Variants in LRP1B observed in about 807,000 individuals in gnomAD.
The protein encoded by LRP1B is LDL receptor related protein 1B, also known as low-density lipoprotein receptor-related protein 1B.
LRP1B carries 217 observed loss-of-function variants against 556.6 expected under a neutral mutation model. The ratio of observed to expected loss-of-function variants is 0.39; its 90% CI spans 0.35 to 0.44. LRP1B has a LOEUF of 0.44. Ranked by LOEUF, LRP1B falls within the 20% of genes least tolerant of loss-of-function variation. The pLI is 1.00. For synonymous variants in LRP1B, 2,047 were observed against 1,865.8 expected, an observed-to-expected ratio of 1.10 and a Z score of -2.50; for missense variants, 5,053 against 5,620.8, an observed-to-expected ratio of 0.90 and a Z score of 3.23.
chr2:141,388,331 G>A (rs959450113), intron 3 of LRP1B, among the ~76,000 whole-genome samples: 3 of 152,128 alleles, frequency 2.0e-5, no homozygotes, highest in African/African-American at 7.2e-5. Context: ...AGCTACTTGG[G>A]AGGCTGAGGC....
intron 1 of LRP1B, among the ~76,000 whole-genome samples, chr2:142,069,418 C>T (rs1705229985): frequency 6.6e-6 from 1 of 151,480 alleles, no homozygotes. Context: ...CTGCCTTATA[C>T]AGGAAGACCT....
chr2:140,455,121 C>G (rs1687044111), intron 62 of LRP1B, among the ~76,000 whole-genome samples: 1 of 152,142 alleles, frequency 6.6e-6, no homozygotes, highest in East Asian at 1.9e-4. Flanking sequence ...CGTGATTTCT[C>G]TCTTTAATTT....
At chr2:141,072,660 C>G (rs918677269) in intron 7 of LRP1B, among the ~76,000 whole-genome samples, 4 of 152,000 alleles carry the variant, frequency 2.6e-5, no homozygotes, top group Non-Finnish European at 5.9e-5. Context: ...CATTGACTCT[C>G]TCAACTTTCT....
intron 62 of LRP1B, among the ~76,000 whole-genome samples, chr2:140,451,730 T>G (rs1686894010): frequency 1.3e-5 from 2 of 152,190 alleles, no homozygotes; most frequent in South Asian, 4.1e-4. Flanking sequence ...AAAGAAAAAT[T>G]CTGATCATTT....
At chr2:141,909,914 C>A (rs992634773) in intron 1 of LRP1B, among the ~76,000 whole-genome samples, 1 of 151,830 alleles carries the variant, frequency 6.6e-6, no homozygotes, top group Non-Finnish European at 1.5e-5. Flanking sequence ...TGCAGACTTG[C>A]CATCTCTGAT....
chr2:140,604,620 T>C (rs111518453), intron 41 of LRP1B, among the ~76,000 whole-genome samples: 8,283 of 152,202 alleles, frequency 0.054, 297 homozygotes, highest in Middle Eastern at 0.099. Flanking sequence ...GTGAAGGGTA[T>C]TATTCATAGG....
intron 1 of LRP1B, among the ~76,000 whole-genome samples, chr2:141,977,378 C>T (rs982324455): frequency 6.6e-6 from 1 of 152,020 alleles, no homozygotes; most frequent in Non-Finnish European, 1.5e-5. Flanking sequence ...TCAAGACCAG[C>T]CTGGCCAGCA....
chr2:140,862,097 A>G (rs1315917754), intron 27 of LRP1B, among the ~76,000 whole-genome samples: 1 of 152,182 alleles, frequency 6.6e-6, no homozygotes, highest in Non-Finnish European at 1.5e-5. Flanking sequence ...CTAGTTTTAG[A>G]CCAAAGCTTC....
chr2:140,582,497 A>C (rs1035305865), intron 43 of LRP1B, among the ~76,000 whole-genome samples: 15 of 152,350 alleles, frequency 9.8e-5, no homozygotes, highest in African/African-American at 3.4e-4. Context: ...TGATAGTATT[A>C]AGAGGTGGGA....
In LRP1B at chr2:140,910,131, T is replaced by C. The variant is rs989304703; in HGVS notation, c.3320-2054A>G. On this transcript the variant is annotated intron_variant, in intron 21 of 90. Transcript: ENST00000389484. ...AACAAAACAGAGGAATCTTAATGAGTAGAAACTGTATATATTCCAACTATT... is the reference window on the plus strand; with the variant it reads ...AACAAAACAGAGGAATCTTAATGAGCAGAAACTGTATATATTCCAACTATT... Among the ~76,000 whole-genome samples the C allele has an allele frequency of 2.0e-4, 30 of 150,676 alleles. No individual in the cohort carries two copies. The South Asian group carries it at 2.1e-3, about 11-fold the overall frequency.
intron 21 of LRP1B, among the ~76,000 whole-genome samples, chr2:140,913,488 GA>G: frequency 6.6e-6 from 1 of 151,916 alleles, no homozygotes; most frequent in African/African-American, 2.4e-5. Context: ...TTTACGTAAG[GA>G]AAAAAGCATT....
chr2:141,818,772 G>A lies in LRP1B; in HGVS notation c.83-8371C>T, dbSNP rs139060031. On this transcript the variant is annotated intron_variant, in intron 1 of 90. Coordinates refer to ENST00000389484, the MANE Select transcript of LRP1B (RefSeq NM_018557.3). ...AGGATGGTCTCGATCTCCTGACCTC[G>A]TGATCTGCCCGCCTTGGCCTCCCAG... is the stretch of plus-strand genomic sequence containing the variant. Among the ~76,000 whole-genome samples, 1,096 of 150,844 alleles carry A rather than the reference G, an allele frequency of 7.3e-3. 17 individuals are homozygous for A. The highest frequency in any genetic ancestry group is 0.026 in the African/African-American group (1,054 of 41,238).
chr2:141,657,935 G>T (rs1434311230), intron 2 of LRP1B, among the ~76,000 whole-genome samples: 7 of 152,174 alleles, frequency 4.6e-5, no homozygotes, highest in Admixed American at 3.9e-4. Context: ...ATTGAAAAAG[G>T]TTTAAACGAA....
intron 15 of LRP1B, among the ~76,000 whole-genome samples, chr2:140,997,554 T>A (rs888296204): frequency 6.6e-6 from 1 of 151,930 alleles, no homozygotes; most frequent in Non-Finnish European, 1.5e-5. Context: ...CTATTCTAAA[T>A]TAATTTTTCC....
At chr2:141,203,078 C>T (rs1682111393) in intron 6 of LRP1B, among the ~76,000 whole-genome samples, 1 of 152,022 alleles carries the variant, frequency 6.6e-6, no homozygotes, top group Non-Finnish European at 1.5e-5. Flanking sequence ...CCAGCCGCTG[C>T]AAAAACATAG....
intron 3 of LRP1B, among the ~76,000 whole-genome samples, chr2:141,458,392 C>T (rs960340553): frequency 1.3e-5 from 2 of 152,092 alleles, no homozygotes; most frequent in African/African-American, 2.4e-5. Context: ...CTCTGAAAAG[C>T]GACTGCTTTT....
Position 140,491,667 on chromosome 2 carries a change from T to C in LRP1B, c.9120+941A>G, listed in dbSNP as rs577784850. 5.9e-5 allele frequency among the ~76,000 whole-genome samples: 9 copies of C among 152,296 alleles called. 1 individual carries two copies. In the East Asian group the frequency reaches 1.7e-3, roughly 29 times the overall value. Reference sequence around the variant, plus strand: ...CTTTCCCTCTTGAAGCAGTTATATGTACGTTTTATCCTTAAGTATTTCTCT... The same window carrying C: ...CTTTCCCTCTTGAAGCAGTTATATGCACGTTTTATCCTTAAGTATTTCTCT... On this transcript the variant is annotated intron_variant, in intron 57 of 90. Coordinates refer to ENST00000389484, the MANE Select transcript of LRP1B (RefSeq NM_018557.3).
At chr2:141,758,233 T>C (rs1694393201) in intron 2 of LRP1B, among the ~76,000 whole-genome samples, 1 of 152,188 alleles carries the variant, frequency 6.6e-6, no homozygotes, top group Non-Finnish European at 1.5e-5. Context: ...TAATATGCTT[T>C]ATTGTATTTT....
At chr2:142,087,280 T>A (rs1213144976) in intron 1 of LRP1B, among the ~76,000 whole-genome samples, 2 of 13,572 alleles carry the variant, frequency 1.5e-4, no homozygotes, top group Non-Finnish European at 6.4e-3. Flanking sequence ...AGTATTCAAA[T>A]AATCTTCCTA....
Sources: allele counts gnomAD v4.1 joint callset (sites outside exome capture counted in the v4.1 genomes callset), GRCh38; gene constraint gnomAD v4.1.1; transcripts MANE v1.5; gene names NCBI Gene and HGNC (gene_info 2026-07-23, HGNC 2026-07-21).